The following WWOX variants were observed in gnomAD, a reference collection of about 807,000 sequenced individuals.
WWOX encodes WW domain-containing oxidoreductase.
Under a neutral mutation model 46.2 loss-of-function variants are expected in WWOX, and 69 were observed. The ratio of observed to expected loss-of-function variants is 1.49; its 90% CI spans 1.23 to 1.82. The LOEUF (loss-of-function observed/expected upper bound fraction) is 1.82, where lower values mean the gene tolerates loss of function less well. Among genes scored for constraint, WWOX ranks in the 40% most tolerant of loss-of-function variants. WWOX has a pLI of 0.00. For synonymous variants in WWOX, 359 were observed against 202.6 expected, an observed-to-expected ratio of 1.77 and a Z score of -6.56; for missense variants, 919 against 542.6, an observed-to-expected ratio of 1.69 and a Z score of -6.89.
chr16:78,607,830 T>C (rs551565787), intron 8 of WWOX, among the ~76,000 whole-genome samples: 1 of 152,100 alleles, frequency 6.6e-6, no homozygotes, highest in Non-Finnish European at 1.5e-5. Context: ...GGAAAAGGGC[T>C]GGATTTTCTA....
At chr16:78,318,848 C>T (rs1246020803) in intron 5 of WWOX, among the ~76,000 whole-genome samples, 1 of 152,122 alleles carries the variant, frequency 6.6e-6, no homozygotes, top group East Asian at 1.9e-4. Context: ...GTACAGGATC[C>T]AAACCAGGAA....
chr16:78,333,923 TTCTTC>T (rs1350311463), intron 5 of WWOX, among the ~76,000 whole-genome samples: 1 of 147,838 alleles, frequency 6.8e-6, no homozygotes, highest in African/African-American at 2.6e-5. Context: ...CCTCCCCCTC[TTCTTC>T]TCTTTTAGAA....
intron 8 of WWOX, among the ~76,000 whole-genome samples, chr16:79,059,658 C>G (rs999706244): frequency 2.0e-5 from 3 of 152,110 alleles, no homozygotes; most frequent in Non-Finnish European, 2.9e-5. Flanking sequence ...CCATGCCCGG[C>G]TAATTTTTTG....
intron 8 of WWOX, among the ~76,000 whole-genome samples, chr16:78,734,398 G>T (rs903575828): frequency 6.6e-6 from 1 of 152,122 alleles, no homozygotes; most frequent in Admixed American, 6.5e-5. Context: ...CCCTATGATA[G>T]CCCTAATTGG....
chr16:78,399,733 C>G (rs1165735760), intron 6 of WWOX, among the ~76,000 whole-genome samples: 1 of 152,194 alleles, frequency 6.6e-6, no homozygotes, highest in Non-Finnish European at 1.5e-5. Flanking sequence ...ATGAATCCAG[C>G]TTGGTTTTTC....
At chr16:78,142,710 A>G (rs2034029405) in intron 4 of WWOX, among the ~76,000 whole-genome samples, 2 of 152,216 alleles carry the variant, frequency 1.3e-5, no homozygotes, top group African/African-American at 2.4e-5. Flanking sequence ...TCTTGACTGT[A>G]ATGGAGGTTT....
At chr16:78,558,930 C>T (rs1387760914) in intron 8 of WWOX, among the ~76,000 whole-genome samples, 2 of 152,216 alleles carry the variant, frequency 1.3e-5, no homozygotes, top group Non-Finnish European at 2.9e-5. Context: ...CAACCATGGT[C>T]ATTTTGTGGT....
At chr16:79,159,845 C>A (rs113767355) in intron 8 of WWOX, among the ~76,000 whole-genome samples, 4,719 of 152,236 alleles carry the variant, frequency 0.031, 273 homozygotes, top group African/African-American at 0.11. Context: ...TCTCCATTCT[C>A]GCCTTCTAGC....
intron 8 of WWOX, among the ~76,000 whole-genome samples, chr16:78,801,340 T>C (rs972357043): frequency 5.9e-5 from 9 of 152,018 alleles, no homozygotes; most frequent in Admixed American, 3.3e-4. Context: ...TGAAATCCCA[T>C]CTCTACTAAA....
chr16:78,952,402 GACAA>G (rs2046079410), intron 8 of WWOX, among the ~76,000 whole-genome samples: 1 of 140,562 alleles, frequency 7.1e-6, no homozygotes, highest in Admixed American at 7.3e-5. Flanking sequence ...TTTTTTTTGA[GACAA>G]AAGTCTCGCT....
rs1211273574 is a variant in WWOX, at chr16:78,349,404, G to A, written c.517-37456G>A. 2.5e-5 allele frequency among the ~76,000 whole-genome samples: 3 copies of A among 121,264 alleles called. 1 individual carries two copies. The highest frequency in any genetic ancestry group is 8.4e-5 in the African/African-American group (3 of 35,734). The allele number at this position is 121,264 out of a possible 152,430, so 79.6% of individuals were successfully genotyped here. On this transcript the variant is annotated intron_variant, in intron 5 of 8. Transcript: ENST00000566780. ...AATCCAGCTAACAACAGTTGGGGATGAGGCTATAACGAATACCACTGCCTA... is the reference window on the plus strand; with the variant it reads ...AATCCAGCTAACAACAGTTGGGGATAAGGCTATAACGAATACCACTGCCTA...
chr16:79,192,217 C>G (rs1372602158), intron 8 of WWOX, among the ~76,000 whole-genome samples: 3 of 152,190 alleles, frequency 2.0e-5, no homozygotes, highest in Non-Finnish European at 4.4e-5. Flanking sequence ...TCTGGGTAAG[C>G]ACTGTGAGTC....
chr16:78,501,126 A>T (rs2085053690), intron 8 of WWOX, among the ~76,000 whole-genome samples: 2 of 149,946 alleles, frequency 1.3e-5, no homozygotes, highest in Non-Finnish European at 3.0e-5. Flanking sequence ...ATGCCCACAA[A>T]TTTCTGAACT....
intron 8 of WWOX, among the ~76,000 whole-genome samples, chr16:78,441,329 A>C (rs534888638): frequency 2.6e-5 from 4 of 152,330 alleles, no homozygotes; most frequent in African/African-American, 9.6e-5. Context: ...AAATGTTTGT[A>C]AATGAATACA....
At chr16:78,767,408 G>C (rs2049948927) in intron 8 of WWOX, among the ~76,000 whole-genome samples, 2 of 151,944 alleles carry the variant, frequency 1.3e-5, no homozygotes, top group African/African-American at 4.8e-5. Flanking sequence ...GCGCTGAGAT[G>C]ACTGCGCCAC....
chr16:78,928,177 G>T (rs557683205), intron 8 of WWOX, among the ~76,000 whole-genome samples: 1 of 151,024 alleles, frequency 6.6e-6, no homozygotes. Flanking sequence ...AAAGTGTTTG[G>T]AACTATGCTT....
chr16:78,231,423 A>G (rs1308534686), intron 5 of WWOX, among the ~76,000 whole-genome samples: 5 of 152,348 alleles, frequency 3.3e-5, no homozygotes, highest in African/African-American at 1.2e-4. Context: ...ATGTACCTAC[A>G]GAAATGAGGG....
chr16:78,718,121 A>G (rs1370542478), intron 8 of WWOX, among the ~76,000 whole-genome samples: 11 of 57,266 alleles, frequency 1.9e-4, no homozygotes, highest in Non-Finnish European at 3.3e-4. Flanking sequence ...GGTTATTTAT[A>G]GAGAAAGTAT....
chr16:78,478,089 C>T (rs1358727358), intron 8 of WWOX, among the ~76,000 whole-genome samples: 2 of 152,046 alleles, frequency 1.3e-5, no homozygotes, highest in African/African-American at 4.8e-5. Context: ...AATATATTAA[C>T]TGAGTTATAA....
Sources: gnomAD v4.1 joint callset for allele counts (sites outside exome capture counted in the v4.1 genomes callset) on GRCh38, gnomAD v4.1.1 for gene constraint, MANE v1.5 for transcripts, NCBI Gene and HGNC (gene_info 2026-07-23, HGNC 2026-07-21) for gene names.